Variants in MYO1D observed in about 807,000 individuals in gnomAD.
MYO1D encodes unconventional myosin-Id.
MYO1D carries 83 observed loss-of-function variants against 122.0 expected under a neutral mutation model. The ratio of observed to expected loss-of-function variants is 0.68; its 90% CI spans 0.57 to 0.82. MYO1D has a LOEUF of 0.82. Among genes scored for constraint, MYO1D ranks in the 40% least tolerant of loss-of-function variants. The probability of loss-of-function intolerance (pLI) is 0.00; values close to 1 mark genes in which losing one functional copy is unlikely to be tolerated. For synonymous variants in MYO1D, 464 were observed against 446.9 expected (o/e 1.04, Z -0.48); for missense variants, 1,157 against 1,269.5 (o/e 0.91, Z 1.35).
intron 21 of MYO1D, among the ~76,000 whole-genome samples, chr17:32,545,784 TG>T (rs58915142): frequency 0.03 from 4,154 of 139,932 alleles, 164 homozygotes; most frequent in African/African-American, 0.12. Context: ...TTTTTTTTTT[TG>T]GGGTTCCACA....
At chr17:32,526,494 G>A (rs1910346802) in intron 21 of MYO1D, among the ~76,000 whole-genome samples, 1 of 152,162 alleles carries the variant, frequency 6.6e-6, no homozygotes, top group African/African-American at 2.4e-5. Flanking sequence ...CCTAGATGGT[G>A]TCTGTGCCTA....
intron 16 of MYO1D, among the ~76,000 whole-genome samples, chr17:32,662,284 C>T (rs2088576299): frequency 6.6e-6 from 1 of 152,180 alleles, no homozygotes; most frequent in Non-Finnish European, 1.5e-5. Context: ...AAGCAGTTGT[C>T]TAAAATGTTG....
chr17:32,552,423 T>TCCATCCATCCATCCATCCAC (rs2087024980), intron 21 of MYO1D, among the ~76,000 whole-genome samples: 2 of 116,208 alleles, frequency 1.7e-5, no homozygotes, highest in Admixed American at 8.2e-5. Flanking sequence ...CATCCACCCA[T>TCCATCCATCCATCCATCCAC]CCATCCATCC....
At chr17:32,575,487 T>C (rs538770432) in intron 21 of MYO1D, among the ~76,000 whole-genome samples, 2 of 152,370 alleles carry the variant, frequency 1.3e-5, no homozygotes, top group Non-Finnish European at 2.9e-5. Flanking sequence ...AAATTTTCCA[T>C]GTGGTGTGAT....
At chr17:32,665,925 G>C (rs996273412) in intron 16 of MYO1D, among the ~76,000 whole-genome samples, 3 of 152,074 alleles carry the variant, frequency 2.0e-5, no homozygotes, top group African/African-American at 7.2e-5. Context: ...GGTGGGTGGT[G>C]GGGGGAATCT....
At chr17:32,854,232 A>G (rs1246820321) in intron 1 of MYO1D, among the ~76,000 whole-genome samples, 2 of 152,256 alleles carry the variant, frequency 1.3e-5, no homozygotes, top group Non-Finnish European at 2.9e-5. Flanking sequence ...ATTTTAGCTT[A>G]TTAATCAGAA....
intron 21 of MYO1D, chr17:32,531,460 A>G (rs902512409): frequency 2.0e-5 from 3 of 152,204 alleles, no homozygotes; most frequent in African/African-American, 7.2e-5. Flanking sequence ...AGGACATTCA[A>G]TTTTGGGATT....
intron 20 of MYO1D, among the ~76,000 whole-genome samples, chr17:32,610,912 C>A (rs999858634): frequency 1.2e-4 from 18 of 152,166 alleles, no homozygotes; most frequent in Non-Finnish European, 2.5e-4. Flanking sequence ...GCTCCCCCTG[C>A]CCCTGTTGCT....
intron 10 of MYO1D, 156 bp from the exon 11 acceptor site, chr17:32,755,818 A>G: frequency 1.8e-6 from 1 of 544,912 alleles, no homozygotes; most frequent in Non-Finnish European, 3.1e-6. Flanking sequence ...AAGAGTACAC[A>G]TTCTAACAGA....
At chr17:32,771,285 G>A in intron 5 of MYO1D, 65 bp from the exon 6 acceptor site, 1 of 1,111,142 alleles carries the variant, frequency 9.0e-7, no homozygotes, top group Non-Finnish European at 1.3e-6. Flanking sequence ...GAACTTAGTG[G>A]TAATCTAGCT....
intron 3 of MYO1D, among the ~76,000 whole-genome samples, chr17:32,776,626 C>A (rs1433907831): frequency 6.6e-6 from 1 of 152,108 alleles, no homozygotes; most frequent in Non-Finnish European, 1.5e-5. Flanking sequence ...GAAAATGATA[C>A]AATTTTTAAG....
chr17:32,686,075 C>G (rs1214327370), intron 16 of MYO1D, among the ~76,000 whole-genome samples: 3 of 152,050 alleles, frequency 2.0e-5, no homozygotes, highest in Non-Finnish European at 4.4e-5. Flanking sequence ...GTGAACGTTA[C>G]CAGCTTTAAG....
intron 21 of MYO1D, among the ~76,000 whole-genome samples, chr17:32,578,830 T>C (rs562786166): frequency 1.6e-3 from 237 of 152,260 alleles, no homozygotes; most frequent in Non-Finnish European, 2.8e-3. Context: ...CATGTAGGAA[T>C]TGCCTAGGGG....
At chr17:32,607,474 G>A (rs957728927) in intron 20 of MYO1D, among the ~76,000 whole-genome samples, 15 of 151,858 alleles carry the variant, frequency 9.9e-5, no homozygotes, top group Non-Finnish European at 2.1e-4. Context: ...ACAAAATGTT[G>A]AACAAGTTAA....
chr17:32,874,947 A>G (rs79186847), intron 1 of MYO1D, among the ~76,000 whole-genome samples: 1 of 152,260 alleles, frequency 6.6e-6, no homozygotes, highest in East Asian at 1.9e-4. Flanking sequence ...AAACCACAAG[A>G]GTTTTAATTC....
chr17:32,634,454 T>C (rs186624454), intron 20 of MYO1D, among the ~76,000 whole-genome samples: 9 of 152,346 alleles, frequency 5.9e-5, no homozygotes, highest in African/African-American at 1.9e-4. Context: ...AGATGGCTGG[T>C]GTGCCCATTA....
chr17:32,834,011 TC>T (rs1479794725), intron 1 of MYO1D, among the ~76,000 whole-genome samples: 6 of 152,048 alleles, frequency 3.9e-5, no homozygotes, highest in Non-Finnish European at 5.9e-5. Flanking sequence ...TTAGTCTGTC[TC>T]CCCCCACTAG....
intron 1 of MYO1D, among the ~76,000 whole-genome samples, chr17:32,815,919 A>C (rs973603807): frequency 1.3e-5 from 2 of 152,252 alleles, no homozygotes; most frequent in African/African-American, 4.8e-5. Context: ...TAGTATCAAT[A>C]ACTGAGAATC....
chr17:32,613,253 T>C (rs1199060181), intron 20 of MYO1D, among the ~76,000 whole-genome samples: 2 of 152,132 alleles, frequency 1.3e-5, no homozygotes. Context: ...ACTTAAATGC[T>C]CTACAATATG....
Sources: gnomAD v4.1 joint callset for allele counts (sites outside exome capture counted in the v4.1 genomes callset) on GRCh38, gnomAD v4.1.1 for gene constraint, MANE v1.5 for transcripts, NCBI Gene and HGNC (gene_info 2026-07-23, HGNC 2026-07-21) for gene names.